The following LCLAT1 variants were observed in gnomAD, a reference collection of about 807,000 sequenced individuals.
LCLAT1 encodes lysocardiolipin acyltransferase 1, also known as 1-AGP acyltransferase 8.
Under a neutral mutation model 30.7 loss-of-function variants are expected in LCLAT1, and 11 were observed. That is an observed-to-expected ratio of 0.36 (90% CI 0.23 to 0.59). The LOEUF is 0.59. Among genes scored for constraint, LCLAT1 ranks in the 20% least tolerant of loss-of-function variants. The pLI, the probability that LCLAT1 is intolerant of heterozygous loss-of-function variation, is 0.77. For synonymous variants in LCLAT1, 155 were observed against 151.3 expected (o/e 1.02, Z -0.18); for missense variants, 402 against 458.6 (o/e 0.88, Z 1.13).
chr2:30,642,663 C>T lies in LCLAT1; in HGVS notation c.*2044C>T, dbSNP rs1469000689. The T allele has an allele frequency of 2.0e-5, 3 of 151,734 alleles. No individual in the cohort carries two copies. Among genetic ancestry groups the T allele is most frequent in the African/African-American group, 7.3e-5 (3 of 41,346 alleles). 9.4% of individuals were successfully genotyped at this position (151,734 alleles called of 1,614,324 possible). ...GGTGTAACAACATTTAATTGCATGT[C>T]CTCTAACGCTTTGAAACCTTTAGAG... On this transcript the variant is annotated 3_prime_UTR_variant, in exon 6 of 6. Coordinates refer to ENST00000379509, the MANE Select transcript of LCLAT1 (RefSeq NM_001002257.3).
In LCLAT1 at chr2:30,471,034, T is replaced by G. The variant is rs1164331217; in HGVS notation, c.-5+23651T>G. On this transcript the variant is annotated intron_variant, in intron 1 of 5. Coordinates refer to ENST00000379509, the MANE Select transcript of LCLAT1 (RefSeq NM_001002257.3). ...ATTCAAGCAATTCTCTGCCTCAGCC[T>G]CCCGAGTAGCTGGGATTACAGGCGC... 2.0e-5 allele frequency among the ~76,000 whole-genome samples: 3 copies of G among 146,998 alleles called. No homozygotes were observed. In the Admixed American group the frequency reaches 2.1e-4, roughly 10 times the overall value.
chr2:30,555,270 T>A (rs1225985585), intron 3 of LCLAT1, among the ~76,000 whole-genome samples: 1 of 152,130 alleles, frequency 6.6e-6, no homozygotes, highest in East Asian at 1.9e-4. Flanking sequence ...TTAGCCAAAC[T>A]AGCCTCTAAA....
chr2:30,588,401 G>A (rs531795568), intron 5 of LCLAT1, among the ~76,000 whole-genome samples: 1 of 152,220 alleles, frequency 6.6e-6, no homozygotes, highest in South Asian at 2.1e-4. Context: ...CTTTTCAGAG[G>A]CTTCTTCCTC....
chr2:30,562,355 T>G (rs1471106450), intron 4 of LCLAT1, 63 bp downstream of exon 4: 6 of 1,314,124 alleles, frequency 4.6e-6, no homozygotes, highest in Non-Finnish European at 5.2e-6. Context: ...ATTTCTCAGA[T>G]GAAGTAACTG....
At chr2:30,525,442 C>G in intron 1 of LCLAT1, 145 bp from the exon 2 acceptor site, 1 of 646,798 alleles carries the variant, frequency 1.5e-6, no homozygotes, top group East Asian at 2.7e-5. Context: ...AGGGTCACCT[C>G]TTTGAAATTC....
At chr2:30,542,508 T>C (rs1335090686) in intron 3 of LCLAT1, among the ~76,000 whole-genome samples, 3 of 152,176 alleles carry the variant, frequency 2.0e-5, no homozygotes, top group African/African-American at 4.8e-5. Flanking sequence ...AATGTCACTC[T>C]GTCATGATAC....
chr2:30,614,711 C>T (rs138334675), intron 5 of LCLAT1, among the ~76,000 whole-genome samples: 1 of 152,268 alleles, frequency 6.6e-6, no homozygotes, highest in African/African-American at 2.4e-5. Context: ...GCAGGAGATA[C>T]ACATTTGGTA....
intron 5 of LCLAT1, among the ~76,000 whole-genome samples, chr2:30,605,464 A>G (rs1001810920): frequency 6.6e-6 from 1 of 152,180 alleles, no homozygotes; most frequent in Non-Finnish European, 1.5e-5. Flanking sequence ...AAGCAGACCA[A>G]TTTACATATT....
At chr2:30,628,311 G>T (rs978092942) in intron 5 of LCLAT1, among the ~76,000 whole-genome samples, 2 of 152,168 alleles carry the variant, frequency 1.3e-5, no homozygotes, top group South Asian at 2.1e-4. Flanking sequence ...CATTTTCTTG[G>T]TTGAGAAGAG....
intron 1 of LCLAT1, among the ~76,000 whole-genome samples, chr2:30,450,981 G>A (rs1050180123): frequency 3.3e-5 from 3 of 90,766 alleles, no homozygotes; most frequent in African/African-American, 5.8e-5. Context: ...GACTCATACC[G>A]TGTGTGTGTG....
chr2:30,481,157 G>C (rs10202174), intron 1 of LCLAT1, among the ~76,000 whole-genome samples: 76,268 of 151,960 alleles, frequency 0.5, 20,000 homozygotes, highest in Non-Finnish European at 0.58. Context: ...CCTGGCAGAA[G>C]AGGTTAGTTA....
chr2:30,547,342 C>T (rs1664471024), intron 3 of LCLAT1, among the ~76,000 whole-genome samples: 1 of 152,176 alleles, frequency 6.6e-6, no homozygotes, highest in African/African-American at 2.4e-5. Context: ...TATAAAGCTT[C>T]ACAACAGCCT....
chr2:30,545,952 A>G (rs554257337), intron 3 of LCLAT1, among the ~76,000 whole-genome samples: 1 of 152,354 alleles, frequency 6.6e-6, no homozygotes, highest in East Asian at 1.9e-4. Flanking sequence ...TGTCCAAGTC[A>G]TGGATGAAGC....
At chr2:30,467,450 C>G (rs200412843) in intron 1 of LCLAT1, among the ~76,000 whole-genome samples, 66 of 142,284 alleles carry the variant, frequency 4.6e-4, no homozygotes, top group Admixed American at 8.4e-4. Flanking sequence ...TGGGTATATA[C>G]CCAGTAATGG....
chr2:30,601,528 A>C (rs1199227011), intron 5 of LCLAT1, among the ~76,000 whole-genome samples: 1 of 152,174 alleles, frequency 6.6e-6, no homozygotes, highest in Non-Finnish European at 1.5e-5. Context: ...TTAAGGACCA[A>C]TAAGACCAAG....
intron 1 of LCLAT1, among the ~76,000 whole-genome samples, chr2:30,496,173 G>T (rs1684102664): frequency 6.6e-6 from 1 of 152,112 alleles, no homozygotes; most frequent in Non-Finnish European, 1.5e-5. Context: ...TCACTATTAT[G>T]AGAACAGCAA....
intron 5 of LCLAT1, among the ~76,000 whole-genome samples, chr2:30,590,179 G>A (rs1281347565): frequency 6.6e-6 from 1 of 151,990 alleles, no homozygotes. Flanking sequence ...CTTAGGAAAG[G>A]CCTTCATTTT....
chr2:30,482,116 A>G (rs868129823), intron 1 of LCLAT1, among the ~76,000 whole-genome samples: 1 of 152,358 alleles, frequency 6.6e-6, no homozygotes, highest in South Asian at 2.1e-4. Context: ...AAACTATTTC[A>G]TCTTAAAACA....
intron 1 of LCLAT1, among the ~76,000 whole-genome samples, chr2:30,488,380 A>G (rs1423388762): frequency 6.6e-6 from 1 of 152,252 alleles, no homozygotes; most frequent in Non-Finnish European, 1.5e-5. Context: ...AACTTGGAGA[A>G]AAAAGGTAAT....
Sources: allele counts gnomAD v4.1 joint callset (sites outside exome capture counted in the v4.1 genomes callset), GRCh38; gene constraint gnomAD v4.1.1; transcripts MANE v1.5; gene names NCBI Gene and HGNC (gene_info 2026-07-23, HGNC 2026-07-21).